PSMF1: variants seen among roughly 807,000 people sequenced by gnomAD.
The protein encoded by PSMF1 is proteasome inhibitor PI31 subunit.
PSMF1 carries 30 observed loss-of-function variants against 29.3 expected under a neutral mutation model. The observed-to-expected ratio is 1.02, with a 90% CI of 0.77 to 1.39. The LOEUF (loss-of-function observed/expected upper bound fraction) is 1.39, where lower values mean the gene tolerates loss of function less well. PSMF1 is among the 40% of genes most tolerant of loss of function. The pLI, the probability that PSMF1 is intolerant of heterozygous loss-of-function variation, is 0.00. For missense variants in PSMF1, 344 were observed against 357.5 expected, an observed-to-expected ratio of 0.96 and a Z score of 0.31; for synonymous variants, 134 against 139.7, an observed-to-expected ratio of 0.96 and a Z score of 0.29.
chr20:1,160,206 T>C (rs1422646240), intron 4 of PSMF1, among the ~76,000 whole-genome samples: 1 of 152,058 alleles, frequency 6.6e-6, no homozygotes, highest in Non-Finnish European at 1.5e-5. Flanking sequence ...CTACCCTGCA[T>C]ACACACGTTT....
In PSMF1 at chr20:1,164,975, T is replaced by A; in HGVS notation, c.765-54T>A. On this transcript the variant is annotated intron_variant, in intron 6 of 6. Coordinates refer to ENST00000335877, the MANE Select transcript of PSMF1 (RefSeq NM_006814.5). This position sits in a 1 kb window ranked among gnomAD's most constrained non-coding sequence, Gnocchi z 4.1. ...CTCAGTGCAGGGTCATGTCTGCCCA[T>A]GTTCCCCTGGTCTCTCCATCACTCC... 6.7e-7 allele frequency: 1 copy of A among 1,483,614 alleles called. No homozygotes were observed. The highest frequency in any genetic ancestry group is 9.4e-7 in the Non-Finnish European group (1 of 1,061,452). The allele number at this position is 1,483,614 out of a possible 1,614,324, so 91.9% of individuals were successfully genotyped here. A position where few individuals can be genotyped will look rare whatever the true frequency, so the allele number is the denominator to read the frequency against.
At chr20:1,115,819 A>G (rs945617921), upstream of PSMF1, among the ~76,000 whole-genome samples, 2 of 146,796 alleles carry the variant, frequency 1.4e-5, no homozygotes, top group Non-Finnish European at 3.0e-5. Context: ...TGCAACCTCT[A>G]CCTCCCGGGT....
chr20:1,157,576 A>G (rs1338864115), intron 4 of PSMF1, among the ~76,000 whole-genome samples: 1 of 120,618 alleles, frequency 8.3e-6, no homozygotes, highest in African/African-American at 3.4e-5. Context: ...TAAAATGAAG[A>G]TGCTTTCTTA....
At chr20:1,127,928 C>T (rs1034935518) in intron 3 of PSMF1, among the ~76,000 whole-genome samples, 3 of 152,208 alleles carry the variant, frequency 2.0e-5, no homozygotes, top group Admixed American at 2.0e-4. Context: ...CATATTACCT[C>T]CTGCTCCCAT....
chr20:1,151,119 A>G (rs982396992), intron 4 of PSMF1, among the ~76,000 whole-genome samples: 18 of 152,204 alleles, frequency 1.2e-4, no homozygotes, highest in Non-Finnish European at 2.6e-4. Context: ...TTGGAGTCAC[A>G]TAATATCCCT....
Position 1,164,671 on chromosome 20 carries a change from G to T in PSMF1, c.764+195G>T, listed in dbSNP as rs191828567. 6.6e-6 allele frequency among the ~76,000 whole-genome samples: 1 copy of T among 152,148 alleles called. No individual in the cohort carries two copies. The highest frequency in any genetic ancestry group is 2.4e-5 in the African/African-American group (1 of 41,424). On this transcript the variant is annotated intron_variant, in intron 6 of 6. Coordinates refer to ENST00000335877, the MANE Select transcript of PSMF1 (RefSeq NM_006814.5). The surrounding 1 kb of genome is among the most constrained non-coding windows in gnomAD (Gnocchi z 4.1). ...TTCTAGGAGCTTCCTATCCCTCAGT[G>T]CCTCTCTTTCCCCAGCTCCACTCTG...
rs141024057 is a variant in PSMF1, at chr20:1,135,233, C to G, written c.478C>G (p.Pro160Ala). 5 of 1,614,008 alleles carry G rather than the reference C, an allele frequency of 3.1e-6. No individual in the cohort carries two copies. The highest frequency in any genetic ancestry group is 1.6e-4 in the Middle Eastern group (1 of 6,080). Residue 160 changes from proline (P) to alanine (A), a missense_variant, in exon 4 of 7, where the codon CCT becomes GCT. Pro to Ala is a conservative substitution (Grantham distance 27, BLOSUM62 -1). Coordinates refer to ENST00000335877, the MANE Select transcript of PSMF1 (RefSeq NM_006814.5). ...AAGCAGTCCCCACCGGGAGTTCCCC[C>G]CTGCTACCGCCAGAGAGGTGGACCC... ...NVSSPHREFP[P>A]ATAREVDPLR...
In PSMF1 at chr20:1,169,757, G is replaced by A. The variant is rs1171743436; in HGVS notation, c.*4677G>A. On this transcript the variant is annotated 3_prime_UTR_variant, in exon 7 of 7. Coordinates refer to ENST00000335877, the MANE Select transcript of PSMF1 (RefSeq NM_006814.5). ...CTCAGCTAGCTCATCCAAGTTCAAG[G>A]CTCAATTGAATGCGTCTGGTTGTTG... 1.3e-5 allele frequency among the ~76,000 whole-genome samples: 2 copies of A among 152,158 alleles called. No individual in the cohort carries two copies. The highest frequency in any genetic ancestry group is 2.4e-5 in the African/African-American group (1 of 41,428).
intron 4 of PSMF1, among the ~76,000 whole-genome samples, chr20:1,162,290 A>C (rs1357169919): frequency 1.3e-5 from 2 of 152,136 alleles, no homozygotes; most frequent in African/African-American, 4.8e-5. Context: ...TTTGGTATGC[A>C]ATTCTTGAGT....
intron 3 of PSMF1, among the ~76,000 whole-genome samples, chr20:1,133,570 T>TATATATATATATATATATATA (rs1555760108): frequency 8.1e-4 from 51 of 63,118 alleles, no homozygotes; most frequent in Admixed American, 3.4e-3. Flanking sequence ...TATATATATA[T>TATATATATATATATATATATA]TTTTTTTTTT....
intron 1 of PSMF1, among the ~76,000 whole-genome samples, chr20:1,122,816 A>G (rs1024306397): frequency 6.6e-6 from 1 of 152,214 alleles, no homozygotes; most frequent in Non-Finnish European, 1.5e-5. Context: ...ACCTGACTTC[A>G]GGGATTTTCT....
At chr20:1,153,656 A>G (rs1276078569) in intron 4 of PSMF1, among the ~76,000 whole-genome samples, 1 of 152,182 alleles carries the variant, frequency 6.6e-6, no homozygotes, top group Non-Finnish European at 1.5e-5. Flanking sequence ...ATCTACCACA[A>G]TCTGTTCTCT....
At position 1,165,079 on chromosome 20, in the gene PSMF1, G is replaced by A. The variant is rs746694596; in HGVS notation, c.815G>A (p.Ter272=). The change falls in exon 7 of 7, where the codon TGA becomes TAA. Residue 272 remains the stop codon, a stop_retained_variant. Transcript: ENST00000335877. ...PPPGYDDMYL[*] ...CCGGGCTACGATGACATGTACCTGT[G>A]AAGGCCTCAAGAATGTAACATCCCA... 4 of 1,614,102 alleles carry A rather than the reference G, an allele frequency of 2.5e-6. 1 individual carries two copies. In the South Asian group the frequency reaches 4.4e-5, roughly 18 times the overall value.
rs576867386 is a variant in PSMF1 at position 1,138,032 on chromosome 20, A to G, written c.551+2726A>G. On this transcript the variant is annotated intron_variant, in intron 4 of 6. Coordinates refer to ENST00000335877, the MANE Select transcript of PSMF1 (RefSeq NM_006814.5). ...AGGAACTCATGATACTATTCTTACT[A>G]TTTTTTGGTATGTTAAAAAATTTCC... Among the ~76,000 whole-genome samples, 5 of 152,280 alleles carry G rather than the reference A, an allele frequency of 3.3e-5. No homozygotes were observed. In the South Asian group the frequency reaches 1.0e-3, roughly 32 times the overall value.
intron 4 of PSMF1, among the ~76,000 whole-genome samples, chr20:1,155,193 C>T (rs1001581890): frequency 2.0e-5 from 3 of 152,166 alleles, no homozygotes; most frequent in Non-Finnish European, 2.9e-5. Flanking sequence ...TTGGCGTGGA[C>T]GGAGAGTGTT....
chr20:1,124,556 T>G (rs2086129545), intron 1 of PSMF1, among the ~76,000 whole-genome samples: 1 of 8,646 alleles, frequency 1.2e-4, no homozygotes, highest in Non-Finnish European at 3.5e-4. Flanking sequence ...GTATAGAAAT[T>G]TATCCACGTG....
chr20:1,117,688 A>G (rs2086025439), upstream of PSMF1, among the ~76,000 whole-genome samples: 1 of 152,224 alleles, frequency 6.6e-6, no homozygotes, highest in South Asian at 2.1e-4. Flanking sequence ...TGCGGAGTGC[A>G]GTACAGACTA....
At chr20:1,115,419 G>A (rs367579763), upstream of PSMF1, among the ~76,000 whole-genome samples, 7 of 152,344 alleles carry the variant, frequency 4.6e-5, no homozygotes, top group East Asian at 7.7e-4. Flanking sequence ...TGTAGAAAAC[G>A]TAAAGGCAGT....
intron 1 of PSMF1, among the ~76,000 whole-genome samples, chr20:1,120,897 G>A (rs2086078554): frequency 6.6e-6 from 1 of 152,116 alleles, no homozygotes; most frequent in Non-Finnish European, 1.5e-5. Context: ...GTTCTAGAGG[G>A]CGTGTCTGAT....
Sources: gnomAD v4.1 joint callset for allele counts (sites outside exome capture counted in the v4.1 genomes callset) on GRCh38, gnomAD v4.1.1 for gene constraint, Gnocchi (gnomAD v3.1) non-coding constraint, MANE v1.5 for transcripts, NCBI Gene and HGNC (gene_info 2026-07-23, HGNC 2026-07-21) for gene names.